The following DPP10 variants were observed in gnomAD, a reference collection of about 807,000 sequenced individuals.
DPP10 encodes inactive dipeptidyl peptidase 10.
In DPP10, 33 loss-of-function variants were observed where a neutral mutation model predicts 120.9. That is an observed-to-expected ratio of 0.27 (90% CI 0.21 to 0.37). The LOEUF is 0.37. Ranked by LOEUF, DPP10 falls within the 10% of genes least tolerant of loss-of-function variation. DPP10 has a pLI of 1.00. For missense variants in DPP10, 816 were observed against 942.8 expected, an observed-to-expected ratio of 0.87 and a Z score of 1.76; for synonymous variants, 337 against 326.1, an observed-to-expected ratio of 1.03 and a Z score of -0.36.
At chr2:115,397,575 A>G (rs1559541744) in intron 3 of DPP10, among the ~76,000 whole-genome samples, 1 of 152,170 alleles carries the variant, frequency 6.6e-6, no homozygotes, top group Non-Finnish European at 1.5e-5. Flanking sequence ...TCACCCAAGC[A>G]TGATTAGGAA....
At chr2:115,791,837 T>C (rs1191730767) in intron 19 of DPP10, among the ~76,000 whole-genome samples, 2 of 152,190 alleles carry the variant, frequency 1.3e-5, no homozygotes, top group Non-Finnish European at 2.9e-5. Flanking sequence ...TAAATATCTT[T>C]ATACATTTTG....
intron 1 of DPP10, among the ~76,000 whole-genome samples, chr2:114,513,470 A>G (rs952329209): frequency 6.7e-5 from 10 of 149,522 alleles, no homozygotes; most frequent in African/African-American, 9.9e-5. Context: ...GCAGTGAGCC[A>G]AGATTGCACC....
intron 9 of DPP10, among the ~76,000 whole-genome samples, chr2:115,740,890 A>T (rs952667166): frequency 1.7e-4 from 26 of 152,146 alleles, no homozygotes; most frequent in African/African-American, 5.8e-4. Flanking sequence ...CTAATTAAGT[A>T]AGAGAGGATG....
chr2:115,305,911 A>T (rs2061340252), intron 1 of DPP10, among the ~76,000 whole-genome samples: 1 of 152,050 alleles, frequency 6.6e-6, no homozygotes, highest in Admixed American at 6.6e-5. Flanking sequence ...GATGTCATTC[A>T]TTCATGACAT....
chr2:114,549,864 A>C (rs1200822529), intron 1 of DPP10, among the ~76,000 whole-genome samples: 1 of 152,042 alleles, frequency 6.6e-6, no homozygotes, highest in Non-Finnish European at 1.5e-5. Context: ...TATCCTGGAA[A>C]GCTCCCATTT....
At chr2:114,966,362 T>C (rs924580763) in intron 1 of DPP10, among the ~76,000 whole-genome samples, 16 of 152,142 alleles carry the variant, frequency 1.1e-4, no homozygotes, top group Non-Finnish European at 1.0e-4. Context: ...CCTGCAGGGT[T>C]ACTTTTTTGC....
intron 3 of DPP10, among the ~76,000 whole-genome samples, chr2:115,466,647 G>T (rs778655620): frequency 6.6e-6 from 1 of 152,072 alleles, no homozygotes; most frequent in African/African-American, 2.4e-5. Flanking sequence ...AATAGAAAGG[G>T]TTACATAATA....
chr2:115,241,577 C>T (rs1384770877), intron 1 of DPP10, among the ~76,000 whole-genome samples: 1 of 152,196 alleles, frequency 6.6e-6, no homozygotes, highest in African/African-American at 2.4e-5. Flanking sequence ...CTCTCCCCTA[C>T]TGGCCTTGGT....
intron 3 of DPP10, among the ~76,000 whole-genome samples, chr2:115,483,148 G>A (rs1351750184): frequency 6.6e-6 from 1 of 152,042 alleles, no homozygotes; most frequent in East Asian, 1.9e-4. Context: ...AATCATGGTA[G>A]TTACGTTACC....
intron 1 of DPP10, among the ~76,000 whole-genome samples, chr2:115,111,001 C>T (rs926555296): frequency 5.9e-5 from 9 of 152,044 alleles, no homozygotes; most frequent in East Asian, 3.9e-4. Flanking sequence ...ACAATAAAAA[C>T]GACATTTATG....
chr2:115,276,832 T>C (rs1001057187), intron 1 of DPP10, among the ~76,000 whole-genome samples: 1 of 152,238 alleles, frequency 6.6e-6, no homozygotes, highest in African/African-American at 2.4e-5. Flanking sequence ...CACTGCTCTC[T>C]ACTCCAAGGA....
At chr2:114,659,420 T>C (rs1697226886) in intron 1 of DPP10, among the ~76,000 whole-genome samples, 1 of 152,164 alleles carries the variant, frequency 6.6e-6, no homozygotes, top group African/African-American at 2.4e-5. Context: ...TTGCATTGGC[T>C]GCACATTGCC....
At chr2:114,978,472 A>G (rs894396930) in intron 1 of DPP10, among the ~76,000 whole-genome samples, 1 of 152,134 alleles carries the variant, frequency 6.6e-6, no homozygotes, top group South Asian at 2.1e-4. Context: ...TCACAGGGAA[A>G]GTAGTAGTTG....
At chr2:115,233,907 T>A (rs1167345618) in intron 1 of DPP10, 1 of 516,600 alleles carries the variant, frequency 1.9e-6, no homozygotes, top group African/African-American at 1.9e-5. Context: ...TAGCCCTTCT[T>A]CTGCCCAGTA....
At chr2:115,166,236 G>A (rs1343541047) in intron 1 of DPP10, among the ~76,000 whole-genome samples, 1 of 151,770 alleles carries the variant, frequency 6.6e-6, no homozygotes, top group Non-Finnish European at 1.5e-5. Context: ...ATCATAATTT[G>A]ATCAATAAAC....
At chr2:114,954,316 C>CTCA (rs932882926) in intron 1 of DPP10, among the ~76,000 whole-genome samples, 1 of 151,894 alleles carries the variant, frequency 6.6e-6, no homozygotes, top group Non-Finnish European at 1.5e-5. Context: ...ATCTCCTGAC[C>CTCA]TCATGATCCA....
chr2:115,832,905 G>C (rs1244961651), intron 21 of DPP10, among the ~76,000 whole-genome samples: 1 of 151,962 alleles, frequency 6.6e-6, no homozygotes, highest in African/African-American at 2.4e-5. Context: ...GTAATAACTT[G>C]TTGTATATAA....
At chr2:114,542,363 C>T (rs571253350) in intron 1 of DPP10, among the ~76,000 whole-genome samples, 1 of 152,194 alleles carries the variant, frequency 6.6e-6, no homozygotes, top group Admixed American at 6.5e-5. Flanking sequence ...TCTTTATCTA[C>T]TAACACCTAC....
At chr2:114,816,304 T>TA (rs1685636786) in intron 1 of DPP10, among the ~76,000 whole-genome samples, 1 of 152,200 alleles carries the variant, frequency 6.6e-6, no homozygotes, top group Non-Finnish European at 1.5e-5. Flanking sequence ...CTGTCACAAC[T>TA]ACTCAACTCT....
Sources: allele counts gnomAD v4.1 joint callset (sites outside exome capture counted in the v4.1 genomes callset), GRCh38; gene constraint gnomAD v4.1.1; transcripts MANE v1.5; gene names NCBI Gene and HGNC (gene_info 2026-07-23, HGNC 2026-07-21).